CNKSR2: variants seen among roughly 807,000 people sequenced by gnomAD.
CNKSR2 encodes the protein CNK homolog protein 2.
A neutral mutation model predicts 84.4 loss-of-function variants in CNKSR2; 14 were observed. The ratio of observed to expected loss-of-function variants is 0.17; its 90% CI spans 0.11 to 0.26. CNKSR2 has a LOEUF of 0.26. Ranked by LOEUF, CNKSR2 falls within the 10% of genes least tolerant of loss-of-function variation. The pLI, the probability that CNKSR2 is intolerant of heterozygous loss-of-function variation, is 1.00. For synonymous variants in CNKSR2, 275 were observed against 277.9 expected (o/e 0.99, Z 0.10); for missense variants, 485 against 771.2 (o/e 0.63, Z 4.40).
At chrX:21,644,119 G>C (rs2092699829) in intron 20 of CNKSR2, 1 of 111,694 alleles carries the variant, frequency 9.0e-6, no homozygotes, top group African/African-American at 3.3e-5. Flanking sequence ...TCACATACTT[G>C]ATATCATTAG....
rs2092728635 is a variant in CNKSR2, at chrX:21,654,565, C to T, written c.*2044C>T. ...CTAATGAATTTGACAAGACTCGTGG[C>T]TAGCCTAGCATGAAAGAGACCTTTT... On this transcript the variant is annotated 3_prime_UTR_variant, in exon 22 of 22. Coordinates refer to ENST00000379510, the MANE Select transcript of CNKSR2 (RefSeq NM_014927.5). 9.0e-6 allele frequency: 1 copy of T among 111,222 alleles called. No individual in the cohort carries two copies. Among genetic ancestry groups the T allele is most frequent in the Non-Finnish European group, 1.9e-5 (1 of 53,106 alleles). The allele number at this position is 111,222 out of a possible 1,213,427, so 9.2% of individuals were successfully genotyped here. A position where few individuals can be genotyped will look rare whatever the true frequency, so the allele number is the denominator to read the frequency against.
rs1003974468 is a variant in CNKSR2 at position 21,524,453 on chromosome X, T to C, written c.958-2414T>C. On this transcript the variant is annotated intron_variant, in intron 9 of 21. Transcript: ENST00000379510. Reference sequence around the variant, plus strand: ...AACTGATGACATTGATAGGAACTGTTTGCTAAAAATAGAAACCTAGAGAAA... The same window carrying C: ...AACTGATGACATTGATAGGAACTGTCTGCTAAAAATAGAAACCTAGAGAAA... Among the ~76,000 whole-genome samples, 3 of 111,085 alleles carry C rather than the reference T, an allele frequency of 2.7e-5. No individual in the cohort carries two copies. In the Admixed American group the frequency reaches 2.9e-4, roughly 11 times the overall value.
intron 1 of CNKSR2, among the ~76,000 whole-genome samples, chrX:21,407,298 C>T (rs2090276958): frequency 9.0e-6 from 1 of 110,962 alleles, no homozygotes; most frequent in Admixed American, 9.6e-5. Context: ...ATTAACTGCC[C>T]AAAGTTGAAC....
intron 11 of CNKSR2, 119 bp downstream of exon 11, chrX:21,532,186 G>C (rs2091892152): frequency 1.4e-5 from 6 of 439,495 alleles, no homozygotes; most frequent in Non-Finnish European, 2.3e-5. Flanking sequence ...CTTTATAATT[G>C]ATCTGTCTCT....
At chrX:21,480,637 C>G (rs2091309269) in intron 5 of CNKSR2, among the ~76,000 whole-genome samples, 1 of 111,425 alleles carries the variant, frequency 9.0e-6, no homozygotes, top group East Asian at 2.8e-4. Flanking sequence ...CTCTATTTCC[C>G]TATCAGAAGT....
intron 5 of CNKSR2, among the ~76,000 whole-genome samples, chrX:21,472,325 T>C (rs1341437421): frequency 8.9e-6 from 1 of 112,198 alleles, no homozygotes; most frequent in African/African-American, 3.2e-5. Context: ...GGGTTCTTCA[T>C]TGTGTTTACT....
At chrX:21,590,921 T>G (rs1353217051) in intron 14 of CNKSR2, 101 bp from the exon 15 acceptor site, 1 of 737,195 alleles carries the variant, frequency 1.4e-6, no homozygotes, top group African/African-American at 2.1e-5. Context: ...ATATAAAAAT[T>G]TTTAAGATTT....
At chrX:21,599,938 C>A (rs1391218494) in intron 17 of CNKSR2, among the ~76,000 whole-genome samples, 1 of 110,190 alleles carries the variant, frequency 9.1e-6, no homozygotes, top group Non-Finnish European at 1.9e-5. Context: ...TTATAATTTT[C>A]TGGATGTGTG....
intron 19 of CNKSR2, among the ~76,000 whole-genome samples, chrX:21,608,600 C>T (rs1335799626): frequency 9.0e-6 from 1 of 110,900 alleles, no homozygotes; most frequent in Non-Finnish European, 1.9e-5. Context: ...AGACATTCTC[C>T]TATGAAGAAA....
chrX:21,531,800 C>T lies in CNKSR2; in HGVS notation c.1092-56C>T, dbSNP rs1219879039. 5.0e-6 allele frequency: 4 copies of T among 804,861 alleles called. No homozygotes were observed. The African/African-American group carries it at 6.2e-5, about 13-fold the overall frequency. The allele number at this position is 804,861 out of a possible 1,213,427, so 66.3% of individuals were successfully genotyped here. ...ATTATTAGTATTTTAGACCCTCGGC[C>T]ATTTACTACCCTAACATGTTTCTAC... On this transcript the variant is annotated intron_variant, in intron 10 of 21. Coordinates refer to ENST00000379510, the MANE Select transcript of CNKSR2 (RefSeq NM_014927.5).
At chrX:21,400,027 C>T (rs764805002) in intron 1 of CNKSR2, among the ~76,000 whole-genome samples, 1 of 110,335 alleles carries the variant, frequency 9.1e-6, no homozygotes, top group East Asian at 2.8e-4. Context: ...TTATTAGTAC[C>T]ACCACCACCT....
chrX:21,587,442 C>T (rs1207367336), intron 13 of CNKSR2, among the ~76,000 whole-genome samples: 1 of 111,973 alleles, frequency 8.9e-6, no homozygotes, highest in Non-Finnish European at 1.9e-5. Context: ...GAGAAATACA[C>T]TTACCACGAA....
At chrX:21,614,173 A>G (rs1420333167) in intron 20 of CNKSR2, among the ~76,000 whole-genome samples, 4 of 110,911 alleles carry the variant, frequency 3.6e-5, no homozygotes, top group Non-Finnish European at 3.8e-5. Flanking sequence ...ATTCTTGTCA[A>G]TCATTTTAAG....
intron 5 of CNKSR2, among the ~76,000 whole-genome samples, chrX:21,486,374 C>T (rs2091385733): frequency 9.0e-6 from 1 of 111,623 alleles, no homozygotes; most frequent in Non-Finnish European, 1.9e-5. Flanking sequence ...GTAGTTTAAA[C>T]ATGTTATATA....
intron 10 of CNKSR2, 73 bp from the exon 11 acceptor site, chrX:21,531,783 T>C: frequency 1.5e-6 from 1 of 647,462 alleles, no homozygotes; most frequent in Non-Finnish European, 2.4e-6. Flanking sequence ...AAATTATTAG[T>C]ATTTTAGACC....
intron 5 of CNKSR2, among the ~76,000 whole-genome samples, chrX:21,479,816 GC>G (rs2091297908): frequency 1.8e-5 from 2 of 109,956 alleles, no homozygotes; most frequent in African/African-American, 6.6e-5. Flanking sequence ...AAGGTTCACA[GC>G]AAGAGTTAGG....
chrX:21,548,032 A>G lies in CNKSR2; in HGVS notation c.1304-13439A>G, dbSNP rs1183408669. Among the ~76,000 whole-genome samples, 4 of 111,994 alleles carry G rather than the reference A, an allele frequency of 3.6e-5. No homozygotes were observed. The East Asian group carries it at 1.1e-3, about 31-fold the overall frequency. On this transcript the variant is annotated intron_variant, in intron 11 of 21. Coordinates refer to ENST00000379510, the MANE Select transcript of CNKSR2 (RefSeq NM_014927.5). ...CAATTAAAAGAACTAGTGAAGCAAG[A>G]GCAAACACATTCAAAAGCTAGCAGA... is the stretch of plus-strand genomic sequence containing the variant.
At chrX:21,606,754 C>A (rs772733792) in intron 18 of CNKSR2, 25 bp from the exon 19 acceptor site, 5 of 899,422 alleles carry the variant, frequency 5.6e-6, no homozygotes, top group Non-Finnish European at 8.0e-6. Context: ...AGAATGTTGA[C>A]GTATCCATGT....
intron 1 of CNKSR2, among the ~76,000 whole-genome samples, chrX:21,422,850 G>T (rs1185256677): frequency 9.0e-6 from 1 of 110,736 alleles, no homozygotes; most frequent in Non-Finnish European, 1.9e-5. Flanking sequence ...AGTATATACA[G>T]TTATTATGTA....
Sources: gnomAD v4.1 joint callset for allele counts (sites outside exome capture counted in the v4.1 genomes callset) on GRCh38, gnomAD v4.1.1 for gene constraint, MANE v1.5 for transcripts, NCBI Gene and HGNC (gene_info 2026-07-23, HGNC 2026-07-21) for gene names.